DCN: variants seen among roughly 807,000 people sequenced by gnomAD.
The protein encoded by DCN is decorin, also known as bone proteoglycan II.
DCN carries 17 observed loss-of-function variants against 36.5 expected under a neutral mutation model. The ratio of observed to expected loss-of-function variants is 0.47; its 90% CI spans 0.32 to 0.70. The LOEUF (loss-of-function observed/expected upper bound fraction) is 0.70. Ranked by LOEUF, DCN falls within the 30% of genes least tolerant of loss-of-function variation. The probability of loss-of-function intolerance (pLI) is 0.04; values close to 1 mark genes in which losing one functional copy is unlikely to be tolerated. For missense variants in DCN, 389 were observed against 430.1 expected, an observed-to-expected ratio of 0.90 and a Z score of 0.84; for synonymous variants, 163 against 161.4, an observed-to-expected ratio of 1.01 and a Z score of -0.07.
Position 91,168,033 on chromosome 12 carries a change from G to A in DCN, c.212-3316C>T, listed in dbSNP as rs1027329693. Among the ~76,000 whole-genome samples, 8 of 152,048 alleles carry A rather than the reference G, an allele frequency of 5.3e-5. No homozygotes were observed. The South Asian group carries it at 6.2e-4, about 12-fold the overall frequency. ...TTTTTAGTAAAGATGGAGTTTCACCGTGTTAGCCAGGATGGTCTCGATCTC... is the reference window on the plus strand; with the variant it reads ...TTTTTAGTAAAGATGGAGTTTCACCATGTTAGCCAGGATGGTCTCGATCTC... On this transcript the variant is annotated intron_variant, in intron 2 of 7. Coordinates refer to ENST00000052754, the MANE Select transcript of DCN (RefSeq NM_001920.5).
intron 2 of DCN, among the ~76,000 whole-genome samples, chr12:91,171,985 A>G (rs1280805108): frequency 6.6e-6 from 1 of 152,148 alleles, no homozygotes; most frequent in African/African-American, 2.4e-5. Context: ...TTCCACTAAA[A>G]CACACTATTT....
At chr12:91,148,231 G>A (rs1160426651) in intron 7 of DCN, among the ~76,000 whole-genome samples, 7 of 151,588 alleles carry the variant, frequency 4.6e-5, no homozygotes, top group Non-Finnish European at 8.8e-5. Context: ...CCACCACCAC[G>A]CCCGGCTAAT....
At chr12:91,176,892 C>G (rs1420504420) in intron 2 of DCN, 1 of 152,078 alleles carries the variant, frequency 6.6e-6, no homozygotes, top group African/African-American at 2.4e-5. Context: ...TTTTTTCAAC[C>G]CTGTTATTTT....
Position 91,164,643 on chromosome 12 carries a change from T to A in DCN, c.286A>T (p.Ile96Phe). 6.2e-7 allele frequency: 1 copy of A among 1,612,600 alleles called. No individual in the cohort carries two copies. Among genetic ancestry groups the A allele is most frequent in the Non-Finnish European group, 8.5e-7 (1 of 1,178,642 alleles). ...LDLQNNKITE[I>F]KDGDFKNLKN... ...AGGTTCTTAAAGTCTCCATCTTTGA[T>A]TTCGGTTATTTTGTTGTTTTGCAGG... Residue 96 changes from isoleucine (I) to phenylalanine (F), a missense_variant, in exon 3 of 8, where the codon ATC (isoleucine) becomes TTC (phenylalanine). Ile to Phe is a conservative substitution (Grantham distance 21, BLOSUM62 0). Coordinates refer to ENST00000052754, the MANE Select transcript of DCN (RefSeq NM_001920.5).
chr12:91,165,560 G>T (rs991070602), intron 2 of DCN, among the ~76,000 whole-genome samples: 5 of 152,102 alleles, frequency 3.3e-5, no homozygotes, highest in Middle Eastern at 3.4e-3. Context: ...AGTTATTTTT[G>T]AATAAATCAT....
rs1880796063 is a variant in DCN, at chr12:91,142,861, G to GA, written c.*3196dup. On this transcript the variant is annotated 3_prime_UTR_variant, in exon 8 of 8. Transcript: ENST00000052754. ...ACAAAAAAATTAAACATTTAATAAG[G>GA]AAAAAAGAAAGTGGATATTAATGAT... is the stretch of plus-strand genomic sequence containing the variant. 1 of 152,164 alleles carries GA rather than the reference G, an allele frequency of 6.6e-6. No individual in the cohort carries two copies. Among genetic ancestry groups the GA allele is most frequent in the Admixed American group, 6.5e-5 (1 of 15,274 alleles). 9.4% of individuals were successfully genotyped at this position (152,164 alleles called of 1,614,324 possible).
chr12:91,151,465 G>A, intron 7 of DCN, 189 bp downstream of exon 7: 1 of 628,934 alleles, frequency 1.6e-6, no homozygotes, highest in African/African-American at 1.8e-5. Flanking sequence ...AAACTTTATT[G>A]AAATCTAGCT....
At chr12:91,146,374 T>C (rs1881024361) in intron 7 of DCN, 122 bp from the exon 8 acceptor site, 2 of 594,886 alleles carry the variant, frequency 3.4e-6, no homozygotes, top group East Asian at 6.1e-5. Flanking sequence ...TTTTTTTTTT[T>C]GAGATGGAAT....
chr12:91,153,009 C>G (rs1460038061), intron 6 of DCN, 87 bp downstream of exon 6: 1 of 795,702 alleles, frequency 1.3e-6, no homozygotes, highest in African/African-American at 1.7e-5. Context: ...ACTCAAAAAT[C>G]AATCATCATG....
At chr12:91,166,574 G>A (rs1463659191) in intron 2 of DCN, among the ~76,000 whole-genome samples, 1 of 152,004 alleles carries the variant, frequency 6.6e-6, no homozygotes, top group Non-Finnish European at 1.5e-5. Flanking sequence ...TTCCACTTAC[G>A]CTTGCTTTTA....
At position 91,155,399 on chromosome 12, in the gene DCN, C is replaced by T. The variant is rs981722476; in HGVS notation, c.652+1676G>A. Among the ~76,000 whole-genome samples the T allele has an allele frequency of 3.3e-5, 5 of 151,908 alleles. No individual in the cohort carries two copies. In the East Asian group the frequency reaches 5.8e-4, roughly 18 times the overall value. On this transcript the variant is annotated intron_variant, in intron 5 of 7. Coordinates refer to ENST00000052754, the MANE Select transcript of DCN (RefSeq NM_001920.5). ...GTAGTTACTTAACTTTTCTATTAAG[C>T]GGTAGTAAATAAAAGCAAGCTATAA...
intron 2 of DCN, among the ~76,000 whole-genome samples, chr12:91,173,054 T>C (rs931591673): frequency 6.6e-6 from 1 of 152,162 alleles, no homozygotes; most frequent in Non-Finnish European, 1.5e-5. Flanking sequence ...ACTGAGTCTT[T>C]ACTGTTACAG....
chr12:91,154,979 C>T (rs1284904221), intron 5 of DCN, among the ~76,000 whole-genome samples: 1 of 152,230 alleles, frequency 6.6e-6, no homozygotes, highest in East Asian at 1.9e-4. Context: ...ATAGTCTCTA[C>T]ACTACTTTCT....
chr12:91,158,385 T>C lies in DCN; in HGVS notation c.449A>G (p.Lys150Arg). 1 of 1,613,756 alleles carries C rather than the reference T, an allele frequency of 6.2e-7. No homozygotes were observed. Among genetic ancestry groups the C allele is most frequent in the Non-Finnish European group, 8.5e-7 (1 of 1,179,638 alleles). ...QLKELPEKMP[K>R]TLQELRAHEN... ...ATGGGCACGCAGCTCCTGAAGAGTT[T>C]TGGGCATTTTTTCTGGCAATTCCTT... The change falls in exon 4 of 8, where the codon AAA becomes AGA. Residue 150 changes from lysine to arginine, a missense_variant. Physicochemically the swap from Lys to Arg is conservative, Grantham distance 26 (BLOSUM62 2). Transcript: ENST00000052754.
At chr12:91,159,014 G>A (rs959126476) in intron 3 of DCN, among the ~76,000 whole-genome samples, 2 of 151,112 alleles carry the variant, frequency 1.3e-5, no homozygotes, top group Non-Finnish European at 2.9e-5. Context: ...GAAGAGAAGG[G>A]AAATGTAATA....
intron 3 of DCN, among the ~76,000 whole-genome samples, chr12:91,164,151 G>A (rs563675028): frequency 1.3e-5 from 2 of 152,018 alleles, no homozygotes; most frequent in Non-Finnish European, 2.9e-5. Flanking sequence ...TCACTCATAC[G>A]TGGGAATTGA....
intron 7 of DCN, among the ~76,000 whole-genome samples, chr12:91,150,436 A>C (rs998021053): frequency 6.6e-6 from 1 of 152,210 alleles, no homozygotes; most frequent in African/African-American, 2.4e-5. Flanking sequence ...AAAATTATAA[A>C]ATTTCTAGAT....
intron 2 of DCN, chr12:91,177,315 G>C (rs1035789831): frequency 2.1e-6 from 1 of 465,974 alleles, no homozygotes; most frequent in Non-Finnish European, 3.8e-6. Context: ...TCCAATTGTA[G>C]AAGTTGCATT....
chr12:91,158,073 T>C lies in DCN; in HGVS notation c.538+223A>G, dbSNP rs80307796. Among the ~76,000 whole-genome samples, 638 of 152,316 alleles carry C rather than the reference T, an allele frequency of 4.2e-3. 3 individuals carry two copies. Among genetic ancestry groups the C allele is most frequent in the African/African-American group, 0.014 (602 of 41,572 alleles). The stretch of plus-strand genomic sequence containing the variant: ...GTGTGTGGTAGGGTAACTTCAGCCC[T>C]AGGGTTTTCTCCATATTCTCAGATA... On this transcript the variant is annotated intron_variant, in intron 4 of 7. Transcript: ENST00000052754.
Sources: gnomAD v4.1 joint callset for allele counts (sites outside exome capture counted in the v4.1 genomes callset) on GRCh38, gnomAD v4.1.1 for gene constraint, MANE v1.5 for transcripts, NCBI Gene and HGNC (gene_info 2026-07-23, HGNC 2026-07-21) for gene names.